The following SLC6A16 variants were observed in gnomAD, a reference collection of about 807,000 sequenced individuals.
SLC6A16 encodes the protein solute carrier family 6 member 16, also known as orphan sodium- and chloride-dependent neurotransmitter transporter NTT5.
A neutral mutation model predicts 65.4 loss-of-function variants in SLC6A16; 54 were observed. The ratio of observed to expected loss-of-function variants is 0.83; its 90% CI spans 0.66 to 1.04. The LOEUF (loss-of-function observed/expected upper bound fraction) is 1.04, where lower values mean the gene tolerates loss of function less well. SLC6A16 is among the 50% of genes least tolerant of loss of function. The pLI is 0.00. For missense variants in SLC6A16, 816 were observed against 914.0 expected, an observed-to-expected ratio of 0.89 and a Z score of 1.38; for synonymous variants, 330 against 346.5, an observed-to-expected ratio of 0.95 and a Z score of 0.53.
chr19:49,306,536 T>G (rs547351084), intron 7 of SLC6A16, among the ~76,000 whole-genome samples: 18 of 124,216 alleles, frequency 1.4e-4, no homozygotes, highest in African/African-American at 3.9e-4. Context: ...AGTTCTTTGT[T>G]TTTTTTTTTT....
the SLC6A16 span, chr19:49,339,326 C>G: frequency 1.2e-6 from 2 of 1,613,696 alleles, no homozygotes; most frequent in Non-Finnish European, 8.5e-7. The surrounding 1 kb of genome is among the most constrained non-coding windows in gnomAD (Gnocchi z 4.5). Context: ...CCTACACCCC[C>G]CAGGGCTGCG....
upstream of SLC6A16, chr19:49,325,337 T>G: frequency 1.5e-6 from 1 of 675,734 alleles, no homozygotes; most frequent in Non-Finnish European, 1.8e-6. Context: ...CGTGTGCACA[T>G]CCTCTGACTG....
chr19:49,334,721 C>T, the SLC6A16 span, among the ~76,000 whole-genome samples: 1 of 149,680 alleles, frequency 6.7e-6, no homozygotes, highest in Non-Finnish European at 1.5e-5. Flanking sequence ...AGCAAGACCC[C>T]ATTTCTACAA....
chr19:49,290,797 C>T (rs773998728), intron 10 of SLC6A16, 30 bp from the exon 11 acceptor site: 3 of 1,572,324 alleles, frequency 1.9e-6, no homozygotes, highest in South Asian at 1.2e-5. Flanking sequence ...GTGTGGGATG[C>T]CCAGTTAGGC....
intron 7 of SLC6A16, among the ~76,000 whole-genome samples, chr19:49,308,509 GATGGCCTTGGAAGTCTCTGTGTGGT>G (rs975937160): frequency 1.3e-5 from 2 of 152,022 alleles, no homozygotes; most frequent in African/African-American, 4.8e-5. Context: ...TTTTTCCAAG[GATGGCCTTGGAAGTCTCTGTGTGGT>G]ATGGTCTTGG....
chr19:49,291,894 C>G (rs920098787), intron 10 of SLC6A16, among the ~76,000 whole-genome samples: 1 of 152,138 alleles, frequency 6.6e-6, no homozygotes, highest in Non-Finnish European at 1.5e-5. Context: ...ATCTGTGCCC[C>G]CGGAGTTGCC....
intron 1 of SLC6A16, among the ~76,000 whole-genome samples, chr19:49,318,510 G>A (rs1350237108): frequency 2.0e-5 from 3 of 152,046 alleles, no homozygotes; most frequent in Non-Finnish European, 4.4e-5. Flanking sequence ...CAACCATCTA[G>A]TCAAAAATTA....
At chr19:49,336,648 GA>G in the SLC6A16 span, 33 of 445,456 alleles carry the variant, frequency 7.4e-5, no homozygotes, top group East Asian at 1.1e-3. Context: ...TGATAGGGCT[GA>G]AACTACTGGG....
At position 49,309,042 on chromosome 19, in the gene SLC6A16, C is replaced by A. The variant is rs775336685; in HGVS notation, c.1063G>T (p.Gly355Cys). 1 of 1,614,184 alleles carries A rather than the reference C, an allele frequency of 6.2e-7. No homozygotes were observed. Among genetic ancestry groups the A allele is most frequent in the Admixed American group, 1.7e-5 (1 of 60,022 alleles). The change falls in exon 7 of 12, where the codon GGC becomes TGC. Residue 355 changes from glycine to cysteine, a missense_variant. Transcript: ENST00000335875. ...QVLSNTGIGL[G>C]SVASLASYMP... Reference sequence around the variant, plus strand: ...TAGGAGGCTAAGGAGGCAACGGAGCCAAGGCCTATGCCTGTGTTAGACAAA... The same window carrying A: ...TAGGAGGCTAAGGAGGCAACGGAGCAAAGGCCTATGCCTGTGTTAGACAAA...
At chr19:49,299,138 C>T (rs1381838378) in intron 7 of SLC6A16, among the ~76,000 whole-genome samples, 2 of 151,046 alleles carry the variant, frequency 1.3e-5, no homozygotes, top group Non-Finnish European at 2.9e-5. Flanking sequence ...CCCAGCTACT[C>T]GGGAGGCTGA....
In SLC6A16 at chr19:49,298,336, T is replaced by C. The variant is rs1970222702; in HGVS notation, c.1230-3783A>G. Among the ~76,000 whole-genome samples, 4 of 152,288 alleles carry C rather than the reference T, an allele frequency of 2.6e-5. No homozygotes were observed. The South Asian group carries it at 8.3e-4, about 32-fold the overall frequency. ...TGAAGGAGAGAAAATATTTGCAAACTATGCATCCAACAATAGTCTAATATC... is the reference window on the plus strand; with the variant it reads ...TGAAGGAGAGAAAATATTTGCAAACCATGCATCCAACAATAGTCTAATATC... On this transcript the variant is annotated intron_variant, in intron 7 of 11. Coordinates refer to ENST00000335875, the MANE Select transcript of SLC6A16 (RefSeq NM_014037.3).
intron 7 of SLC6A16, among the ~76,000 whole-genome samples, chr19:49,306,561 TGA>T (rs1261234946): frequency 1.3e-5 from 2 of 149,484 alleles, no homozygotes; most frequent in East Asian, 1.9e-4. Flanking sequence ...TTTTTTTTTT[TGA>T]GAGAGAGTCT....
intron 7 of SLC6A16, among the ~76,000 whole-genome samples, chr19:49,301,448 C>A (rs901623534): frequency 8.5e-5 from 13 of 152,306 alleles, no homozygotes; most frequent in Non-Finnish European, 1.6e-4. Flanking sequence ...CCACAGCGCC[C>A]CCTAGTGGCC....
chr19:49,310,807 C>CT, intron 2 of SLC6A16, 126 bp downstream of exon 2: 1 of 822,834 alleles, frequency 1.2e-6, no homozygotes, highest in Non-Finnish European at 2.0e-6. Context: ...GACCTGGCTC[C>CT]TATCCTGCTC....
chr19:49,338,654 CAT>C, the SLC6A16 span: 572 of 1,404,510 alleles, frequency 4.1e-4, 2 homozygotes, highest in African/African-American at 7.0e-3. The surrounding 1 kb of genome is among the most constrained non-coding windows in gnomAD (Gnocchi z 5.0). Flanking sequence ...TCCCCAACAT[CAT>C]ATGTCTCCAG....
chr19:49,333,864 G>C, the SLC6A16 span, among the ~76,000 whole-genome samples: 1 of 152,210 alleles, frequency 6.6e-6, no homozygotes, highest in South Asian at 2.1e-4. Context: ...AAACTGCAGA[G>C]GCCACTGGGT....
chr19:49,339,968 C>T, the SLC6A16 span: 1 of 1,416,080 alleles, frequency 7.1e-7, no homozygotes, highest in South Asian at 1.5e-5. The surrounding 1 kb of genome is among the most constrained non-coding windows in gnomAD (Gnocchi z 4.5). Flanking sequence ...GAGGCTGAGG[C>T]AGAGGGGGAA....
At chr19:49,340,094 T>A in the SLC6A16 span, 32 of 1,531,508 alleles carry the variant, frequency 2.1e-5, no homozygotes, top group Middle Eastern at 6.8e-4. Flanking sequence ...CCTGCGGCAG[T>A]TCCCGTCGAG....
chr19:49,338,202 G>A, the SLC6A16 span: 3 of 1,432,886 alleles, frequency 2.1e-6, no homozygotes, highest in Non-Finnish European at 2.7e-6. The surrounding 1 kb of genome is among the most constrained non-coding windows in gnomAD (Gnocchi z 5.0). Flanking sequence ...CCCCGGCGTC[G>A]CCTGGTCTCC....
Sources: gnomAD v4.1 joint callset for allele counts (sites outside exome capture counted in the v4.1 genomes callset) on GRCh38, gnomAD v4.1.1 for gene constraint, Gnocchi (gnomAD v3.1) non-coding constraint, MANE v1.5 for transcripts, NCBI Gene and HGNC (gene_info 2026-07-23, HGNC 2026-07-21) for gene names.